The following IRAK3 variants were observed in gnomAD, a reference collection of about 807,000 sequenced individuals.
IRAK3 encodes interleukin-1 receptor-associated kinase 3.
In IRAK3, 57 loss-of-function variants were observed where a neutral mutation model predicts 56.6. The ratio of observed to expected loss-of-function variants is 1.01; its 90% CI spans 0.81 to 1.26. The LOEUF is 1.26. Ranked by LOEUF, IRAK3 falls within the 50% of genes most tolerant of loss-of-function variation. IRAK3 has a pLI of 0.00. For missense variants in IRAK3, 703 were observed against 719.0 expected (o/e 0.98, Z 0.25); for synonymous variants, 258 against 255.7 (o/e 1.01, Z -0.09).
intron 1 of IRAK3, among the ~76,000 whole-genome samples, chr12:66,190,109 G>C (rs1357053705): frequency 3.3e-5 from 5 of 152,146 alleles, no homozygotes; most frequent in Admixed American, 3.3e-4. Flanking sequence ...AAAAATCTTC[G>C]TTTTGTTAAG....
At chr12:66,196,885 A>G in intron 1 of IRAK3, 1 of 1,520,338 alleles carries the variant, frequency 6.6e-7, no homozygotes. Flanking sequence ...TACAGTGTCT[A>G]AAAACAAGCT....
chr12:66,206,049 A>G (rs1322316220), intron 2 of IRAK3, among the ~76,000 whole-genome samples: 18 of 152,196 alleles, frequency 1.2e-4, no homozygotes, highest in Admixed American at 1.2e-3. Context: ...CAGTTTTGAC[A>G]CAAAATTCGC....
At chr12:66,212,538 T>A (rs1449175789) in intron 5 of IRAK3, among the ~76,000 whole-genome samples, 1 of 152,146 alleles carries the variant, frequency 6.6e-6, no homozygotes, top group Admixed American at 6.5e-5. Flanking sequence ...GCTGAGCATG[T>A]AGAGATGAAT....
At chr12:66,234,759 T>A (rs1357914884) in intron 8 of IRAK3, 38 of 1,593,740 alleles carry the variant, frequency 2.4e-5, no homozygotes, top group East Asian at 6.7e-5. Context: ...CCACGACTTG[T>A]ACCACTGGCA....
rs1170066130 is a variant in IRAK3, at chr12:66,250,448, G to C, written c.*2277G>C. ...GAGTTACAATTTTCCAAAAAAGCAC[G>C]AAGTGAGATTAAAACCACAGTAAGT... On this transcript the variant is annotated 3_prime_UTR_variant, in exon 12 of 12. Coordinates refer to ENST00000261233, the MANE Select transcript of IRAK3 (RefSeq NM_007199.3). The C allele has an allele frequency of 6.6e-6, 1 of 152,176 alleles. No individual in the cohort carries two copies. The highest frequency in any genetic ancestry group is 1.9e-4 in the East Asian group (1 of 5,198). The allele number at this position is 152,176 out of a possible 1,614,324, so 9.4% of individuals were successfully genotyped here.
At chr12:66,189,987 C>T (rs1380467795) in intron 1 of IRAK3, among the ~76,000 whole-genome samples, 2 of 152,208 alleles carry the variant, frequency 1.3e-5, no homozygotes, top group East Asian at 3.9e-4. Flanking sequence ...TAAAGGGTGG[C>T]TTTTTATTTT....
chr12:66,212,458 C>G (rs1044647339), intron 5 of IRAK3, among the ~76,000 whole-genome samples: 19 of 152,156 alleles, frequency 1.2e-4, no homozygotes, highest in Non-Finnish European at 2.9e-5. Context: ...CACAGAAGAG[C>G]TGCTCTTCGT....
chr12:66,239,420 CA>C (rs2052941709), intron 8 of IRAK3, among the ~76,000 whole-genome samples: 2 of 151,888 alleles, frequency 1.3e-5, no homozygotes, highest in African/African-American at 4.8e-5. Context: ...CATAGGGGGC[CA>C]CAGATTGGCC....
intron 11 of IRAK3, among the ~76,000 whole-genome samples, chr12:66,245,537 T>C (rs887024765): frequency 8.1e-6 from 1 of 122,792 alleles, no homozygotes; most frequent in Non-Finnish European, 1.7e-5. Flanking sequence ...ATCTTTTTTT[T>C]TTTTTTTTTT....
chr12:66,210,026 T>C, intron 3 of IRAK3, 121 bp from the exon 4 acceptor site: 1 of 657,714 alleles, frequency 1.5e-6, no homozygotes. Context: ...TAGCTTTCTT[T>C]TAAATTAGGT....
intron 8 of IRAK3, among the ~76,000 whole-genome samples, chr12:66,239,000 G>T (rs1032235052): frequency 1.3e-5 from 2 of 152,194 alleles, no homozygotes; most frequent in Admixed American, 6.5e-5. Context: ...GCATCTGAAG[G>T]CAGTAAACTT....
At chr12:66,189,874 T>G (rs1403863611) in intron 1 of IRAK3, among the ~76,000 whole-genome samples, 1 of 152,192 alleles carries the variant, frequency 6.6e-6, no homozygotes, top group Non-Finnish European at 1.5e-5. Flanking sequence ...CTAACTTAAT[T>G]ACAAGTGAAA....
intron 1 of IRAK3, among the ~76,000 whole-genome samples, chr12:66,192,533 C>T (rs917986443): frequency 5.3e-5 from 8 of 152,192 alleles, no homozygotes; most frequent in African/African-American, 1.9e-4. Context: ...CCTCTCAACA[C>T]TTACGATGTA....
At chr12:66,221,870 A>C (rs1228664861) in intron 6 of IRAK3, among the ~76,000 whole-genome samples, 1 of 152,148 alleles carries the variant, frequency 6.6e-6, no homozygotes, top group Non-Finnish European at 1.5e-5. Flanking sequence ...CTGTACTAAA[A>C]ATATAAAAAT....
intron 6 of IRAK3, among the ~76,000 whole-genome samples, chr12:66,221,451 A>G (rs1026791366): frequency 8.5e-5 from 13 of 152,228 alleles, no homozygotes; most frequent in African/African-American, 3.1e-4. Flanking sequence ...ACTTAGAGGA[A>G]AAGCATTCAG....
At chr12:66,221,213 G>T (rs908176715) in intron 6 of IRAK3, among the ~76,000 whole-genome samples, 4 of 152,040 alleles carry the variant, frequency 2.6e-5, no homozygotes, top group African/African-American at 7.2e-5. Flanking sequence ...TTTATATGTT[G>T]ATTTTGTATT....
At chr12:66,193,907 A>C (rs905435538) in intron 1 of IRAK3, among the ~76,000 whole-genome samples, 2 of 152,166 alleles carry the variant, frequency 1.3e-5, no homozygotes, top group African/African-American at 4.8e-5. Context: ...CACCATATGC[A>C]GTAGAGCCTG....
At chr12:66,221,988 C>T (rs11465967) in intron 6 of IRAK3, among the ~76,000 whole-genome samples, 4,472 of 152,282 alleles carry the variant, frequency 0.029, 88 homozygotes, top group Middle Eastern at 0.068. Context: ...GAGATCATGC[C>T]ACCACACTCT....
At chr12:66,247,660 C>T (rs1172499309) in intron 11 of IRAK3, 35 bp from the exon 12 acceptor site, 1 of 1,299,270 alleles carries the variant, frequency 7.7e-7, no homozygotes, top group African/African-American at 1.5e-5. Context: ...ATTATTCAAA[C>T]TTAATTTAAT....
Sources: allele counts gnomAD v4.1 joint callset (sites outside exome capture counted in the v4.1 genomes callset), GRCh38; gene constraint gnomAD v4.1.1; transcripts MANE v1.5; gene names NCBI Gene and HGNC (gene_info 2026-07-23, HGNC 2026-07-21).